TDRD3: variants seen among roughly 807,000 people sequenced by gnomAD.
The protein encoded by TDRD3 is tudor domain containing 3, also known as tudor domain-containing protein 3.
TDRD3 carries 45 observed loss-of-function variants against 86.7 expected under a neutral mutation model. The ratio of observed to expected loss-of-function variants is 0.52; its 90% CI spans 0.41 to 0.67. TDRD3 has a LOEUF of 0.67. TDRD3 is among the 30% of genes least tolerant of loss of function. The pLI is 0.00. For missense variants in TDRD3, 814 were observed against 889.0 expected (o/e 0.92, Z 1.07); for synonymous variants, 298 against 301.7 (o/e 0.99, Z 0.13).
chr13:60,442,166 A>T (rs1955290858), intron 2 of TDRD3, among the ~76,000 whole-genome samples: 1 of 152,206 alleles, frequency 6.6e-6, no homozygotes. Flanking sequence ...ATGACATTGA[A>T]ATCCAGCATG....
In TDRD3 at chr13:60,573,704, T is replaced by G. The variant is rs1958639885; in HGVS notation, c.*98T>G. ...CCACTTTCTCTTCAGAATAAGTAGC[T>G]GTGGTGGATATTATTATTTGAAGAA... is the stretch of plus-strand genomic sequence containing the variant. On this transcript the variant is annotated 3_prime_UTR_variant, in exon 14 of 14. Transcript: ENST00000377881. 2 of 939,538 alleles carry G rather than the reference T, an allele frequency of 2.1e-6. No individual in the cohort carries two copies. The allele number at this position is 939,538 out of a possible 1,614,324, so 58.2% of individuals were successfully genotyped here. A position where few individuals can be genotyped will look rare whatever the true frequency, so the allele number is the denominator to read the frequency against.
At chr13:60,513,392 A>C (rs1957100822) in intron 10 of TDRD3, among the ~76,000 whole-genome samples, 1 of 152,356 alleles carries the variant, frequency 6.6e-6, no homozygotes, top group African/African-American at 2.4e-5. Flanking sequence ...TTGGGGATTA[A>C]CATTCAGCTC....
At chr13:60,556,085 A>G (rs1297804335) in intron 12 of TDRD3, among the ~76,000 whole-genome samples, 2 of 152,250 alleles carry the variant, frequency 1.3e-5, no homozygotes, top group African/African-American at 4.8e-5. Flanking sequence ...TGACCTCGTG[A>G]TCTGCCTGCC....
intron 1 of TDRD3, among the ~76,000 whole-genome samples, chr13:60,401,865 A>G (rs1453497315): frequency 1.3e-5 from 2 of 152,338 alleles, no homozygotes; most frequent in East Asian, 3.9e-4. Context: ...CCTTTGAACA[A>G]CTAAGAAAGC....
chr13:60,455,008 G>A (rs879876453), intron 3 of TDRD3, among the ~76,000 whole-genome samples: 1 of 152,060 alleles, frequency 6.6e-6, no homozygotes, highest in African/African-American at 2.4e-5. Context: ...CTCCTTCCCG[G>A]ATTTAAGCGA....
intron 4 of TDRD3, among the ~76,000 whole-genome samples, chr13:60,463,391 C>G (rs1363542139): frequency 1.4e-5 from 2 of 147,644 alleles, no homozygotes; most frequent in Non-Finnish European, 3.0e-5. Context: ...AAGATAAGAC[C>G]TAAAACTATG....
rs998783025 is a variant in TDRD3, at chr13:60,422,925, G to T, written c.42-16763G>T. 6.6e-5 allele frequency among the ~76,000 whole-genome samples: 10 copies of T among 152,102 alleles called. No individual in the cohort carries two copies. In the East Asian group the frequency reaches 1.7e-3, roughly 26 times the overall value. ...CAAGAAAACTTTCCAGATGGAAAAA[G>T]ATGTAAATCCACACATTGAAAGTAT... is the stretch of plus-strand genomic sequence containing the variant. On this transcript the variant is annotated intron_variant, in intron 1 of 13. Transcript: ENST00000377881.
chr13:60,491,858 G>A (rs913542964), intron 7 of TDRD3, among the ~76,000 whole-genome samples: 27 of 151,994 alleles, frequency 1.8e-4, no homozygotes. Flanking sequence ...GGAGGTTTGA[G>A]AAGTGAGGAG....
chr13:60,421,100 G>A (rs1954643171), intron 1 of TDRD3, among the ~76,000 whole-genome samples: 1 of 152,052 alleles, frequency 6.6e-6, no homozygotes, highest in Non-Finnish European at 1.5e-5. Context: ...TTTCTTTCAG[G>A]TTAATTTGGG....
At chr13:60,419,451 T>TA (rs1282761707) in intron 1 of TDRD3, among the ~76,000 whole-genome samples, 1 of 152,038 alleles carries the variant, frequency 6.6e-6, no homozygotes, top group Non-Finnish European at 1.5e-5. Flanking sequence ...TATGCAGCCA[T>TA]AAAAAAGAAT....
chr13:60,546,485 C>A (rs922846300), intron 12 of TDRD3, among the ~76,000 whole-genome samples: 44 of 151,990 alleles, frequency 2.9e-4, no homozygotes, highest in African/African-American at 1.0e-3. Context: ...AAATTTTAGG[C>A]ATAATTTAGA....
At chr13:60,510,806 T>C (rs763130293) in intron 10 of TDRD3, 51 bp downstream of exon 10, 9 of 1,439,354 alleles carry the variant, frequency 6.3e-6, no homozygotes, top group Admixed American at 5.1e-5. Context: ...TTCTTTCTTT[T>C]TTTTTTTTTT....
chr13:60,542,555 C>T (rs1264203205), intron 12 of TDRD3, among the ~76,000 whole-genome samples: 2 of 152,172 alleles, frequency 1.3e-5, no homozygotes, highest in African/African-American at 4.8e-5. Flanking sequence ...TATTCCCTTT[C>T]AGATGGAACT....
In TDRD3 at chr13:60,528,591, A is replaced by G. The variant is rs1157180429; in HGVS notation, c.1366A>G (p.Thr456Ala). Reference protein sequence around the residue: ...PRNRGSERPSTSSVSEVWAED... With the variant: ...PRNRGSERPSASSVSEVWAED... ...AAATAGAGGTTCTGAAAGACCAAGT[A>G]CTTCTTCAGTATCTGAAGTATGGGC... is the stretch of plus-strand genomic sequence containing the variant. Residue 456 changes from threonine (T) to alanine (A), a missense_variant, in exon 11 of 14, where the codon ACT becomes GCT. Transcript: ENST00000377881. The G allele has an allele frequency of 2.5e-6, 4 of 1,614,060 alleles. No individual in the cohort carries two copies.
intron 5 of TDRD3, among the ~76,000 whole-genome samples, chr13:60,474,971 T>C (rs1956154292): frequency 6.6e-6 from 1 of 152,158 alleles, no homozygotes; most frequent in Admixed American, 6.5e-5. Context: ...CTTAAGTGTT[T>C]TAAGGACATC....
At chr13:60,507,413 A>G (rs530208155) in intron 8 of TDRD3, among the ~76,000 whole-genome samples, 115 of 152,198 alleles carry the variant, frequency 7.6e-4, no homozygotes, top group African/African-American at 2.6e-3. Flanking sequence ...GCACTATGTC[A>G]TACTTTAAAA....
At chr13:60,495,503 G>T (rs1449450281) in intron 8 of TDRD3, among the ~76,000 whole-genome samples, 2 of 150,090 alleles carry the variant, frequency 1.3e-5, no homozygotes, top group Non-Finnish European at 3.0e-5. Flanking sequence ...CACTCTTGTT[G>T]CCCAGGCTGG....
chr13:60,494,331 T>C, intron 7 of TDRD3, 104 bp from the exon 8 acceptor site: 1 of 1,194,014 alleles, frequency 8.4e-7, no homozygotes, highest in Non-Finnish European at 1.1e-6. Flanking sequence ...AAAACATAAT[T>C]AGGAAACTTA....
At chr13:60,440,804 A>G (rs1259859393) in intron 2 of TDRD3, among the ~76,000 whole-genome samples, 8 of 152,238 alleles carry the variant, frequency 5.3e-5, no homozygotes, top group African/African-American at 1.9e-4. Flanking sequence ...TATGTGGTCA[A>G]TGAAATTCCT....
Sources: allele counts gnomAD v4.1 joint callset (sites outside exome capture counted in the v4.1 genomes callset), GRCh38; gene constraint gnomAD v4.1.1; transcripts MANE v1.5; gene names NCBI Gene and HGNC (gene_info 2026-07-23, HGNC 2026-07-21).